The following TAFA2 variants were observed in gnomAD, a reference collection of about 807,000 sequenced individuals.
TAFA2 encodes the protein chemokine-like protein TAFA-2.
A neutral mutation model predicts 18.8 loss-of-function variants in TAFA2; 7 were observed. The ratio of observed to expected loss-of-function variants is 0.37; its 90% CI spans 0.21 to 0.70. TAFA2 has a LOEUF of 0.70. Among genes scored for constraint, TAFA2 ranks in the 30% least tolerant of loss-of-function variants. The pLI is 0.53. For synonymous variants in TAFA2, 60 were observed against 54.2 expected (o/e 1.11, Z -0.47); for missense variants, 122 against 158.1 (o/e 0.77, Z 1.23).
At chr12:61,985,297 T>C (rs1879774125) in intron 1 of TAFA2, among the ~76,000 whole-genome samples, 1 of 152,240 alleles carries the variant, frequency 6.6e-6, no homozygotes, top group African/African-American at 2.4e-5. Flanking sequence ...TAATTTTCAC[T>C]GGAAGTATAT....
At chr12:62,223,354 T>A (rs1394962029) in intron 1 of TAFA2, among the ~76,000 whole-genome samples, 1 of 152,114 alleles carries the variant, frequency 6.6e-6, no homozygotes, top group East Asian at 1.9e-4. Flanking sequence ...TAATATTTTG[T>A]GTGTGTGGAG....
At chr12:61,918,662 G>T (rs1876925800) in intron 1 of TAFA2, among the ~76,000 whole-genome samples, 2 of 152,168 alleles carry the variant, frequency 1.3e-5, no homozygotes, top group South Asian at 4.1e-4. Flanking sequence ...TTTATTTTGG[G>T]TATATACCTA....
At chr12:62,201,551 C>A (rs1033369005) in intron 1 of TAFA2, among the ~76,000 whole-genome samples, 4 of 152,114 alleles carry the variant, frequency 2.6e-5, no homozygotes, top group Non-Finnish European at 5.9e-5. Context: ...TATTGATTTG[C>A]ATATGTTGAA....
intron 2 of TAFA2, among the ~76,000 whole-genome samples, chr12:61,762,540 G>A (rs1208581650): frequency 5.3e-5 from 8 of 151,438 alleles, no homozygotes; most frequent in Admixed American, 2.6e-4. Context: ...TGTAATTAAC[G>A]AATATCAAAG....
intron 1 of TAFA2, among the ~76,000 whole-genome samples, chr12:62,141,558 C>T (rs2062239590): frequency 6.6e-6 from 1 of 152,094 alleles, no homozygotes; most frequent in Non-Finnish European, 1.5e-5. Flanking sequence ...ATTTTGACTG[C>T]TATTTCAGTG....
chr12:62,090,216 C>A (rs542465574), intron 1 of TAFA2, among the ~76,000 whole-genome samples: 1 of 152,120 alleles, frequency 6.6e-6, no homozygotes, highest in East Asian at 1.9e-4. Context: ...CAGAGTTAAA[C>A]TCTTGGGGAC....
chr12:62,064,448 T>G (rs186769503), intron 1 of TAFA2, among the ~76,000 whole-genome samples: 19 of 152,106 alleles, frequency 1.2e-4, no homozygotes, highest in Admixed American at 2.6e-4. Flanking sequence ...TTCTTATTAA[T>G]GTATTGCCAG....
chr12:61,941,899 C>T (rs1036894221), intron 1 of TAFA2, among the ~76,000 whole-genome samples: 144 of 152,324 alleles, frequency 9.5e-4, no homozygotes, highest in African/African-American at 3.1e-3. Flanking sequence ...ATTGCCCAGG[C>T]TTGATTAGGT....
chr12:61,929,637 C>T (rs1051505317), intron 1 of TAFA2, among the ~76,000 whole-genome samples: 4 of 151,442 alleles, frequency 2.6e-5, no homozygotes, highest in Non-Finnish European at 5.9e-5. Context: ...CCATTTGACC[C>T]AGCCATCCCA....
At chr12:61,905,511 T>C (rs953036004) in intron 1 of TAFA2, among the ~76,000 whole-genome samples, 5 of 152,204 alleles carry the variant, frequency 3.3e-5, no homozygotes, top group African/African-American at 9.6e-5. Context: ...TTCATTAGCA[T>C]TGAGGATTAG....
chr12:61,963,188 A>G (rs2701154), intron 1 of TAFA2, among the ~76,000 whole-genome samples: 145,986 of 152,064 alleles, frequency 0.96, 70,166 homozygotes, highest in South Asian at 0.99. Flanking sequence ...ATAAACATAC[A>G]TGTACGTGTC....
At chr12:62,239,303 C>G (rs377611631) in intron 1 of TAFA2, among the ~76,000 whole-genome samples, 10 of 152,198 alleles carry the variant, frequency 6.6e-5, no homozygotes, top group African/African-American at 1.4e-4. Flanking sequence ...TGGTTCACAT[C>G]TTTTTCTTGA....
At chr12:61,845,585 T>A (rs963311701) in intron 2 of TAFA2, among the ~76,000 whole-genome samples, 4 of 152,178 alleles carry the variant, frequency 2.6e-5, no homozygotes, top group African/African-American at 9.7e-5. Flanking sequence ...AGAGTTGGTA[T>A]TAGGTCTTTG....
At chr12:62,038,328 C>T (rs1881665524) in intron 1 of TAFA2, among the ~76,000 whole-genome samples, 1 of 152,080 alleles carries the variant, frequency 6.6e-6, no homozygotes, top group African/African-American at 2.4e-5. Context: ...ATTAAAATAC[C>T]ATGTAAACCT....
At chr12:62,120,107 A>C (rs1870128306) in intron 1 of TAFA2, among the ~76,000 whole-genome samples, 1 of 152,106 alleles carries the variant, frequency 6.6e-6, no homozygotes, top group Admixed American at 6.6e-5. Flanking sequence ...TAATTTCCAA[A>C]CCATTTAACA....
chr12:62,127,879 TACTC>T (rs1424816915), intron 1 of TAFA2, among the ~76,000 whole-genome samples: 1 of 152,040 alleles, frequency 6.6e-6, no homozygotes, highest in African/African-American at 2.4e-5. Flanking sequence ...ACATAGTAAG[TACTC>T]AATTAAATGT....
intron 1 of TAFA2, chr12:62,104,981 C>A (rs563177777): frequency 1.0e-5 from 2 of 193,248 alleles, no homozygotes; most frequent in South Asian, 7.7e-5. Context: ...GATTTACATA[C>A]ATTTCAAAGA....
At chr12:62,082,124 CA>C (rs1221129818) in intron 1 of TAFA2, among the ~76,000 whole-genome samples, 1 of 152,160 alleles carries the variant, frequency 6.6e-6, no homozygotes, top group East Asian at 1.9e-4. Flanking sequence ...GACATGATCT[CA>C]TTCCTTTTTA....
intron 1 of TAFA2, among the ~76,000 whole-genome samples, chr12:62,108,893 G>A (rs1869591761): frequency 6.6e-6 from 1 of 152,022 alleles, no homozygotes; most frequent in African/African-American, 2.4e-5. Flanking sequence ...TTTGTCAGAT[G>A]GAAAGATTGC....
Sources: allele counts gnomAD v4.1 joint callset (sites outside exome capture counted in the v4.1 genomes callset), GRCh38; gene constraint gnomAD v4.1.1; transcripts MANE v1.5; gene names NCBI Gene and HGNC (gene_info 2026-07-23, HGNC 2026-07-21).